FER1L6: variants seen among roughly 807,000 people sequenced by gnomAD.
FER1L6 encodes the protein fer-1-like protein 6.
FER1L6 carries 177 observed loss-of-function variants against 219.2 expected under a neutral mutation model. The ratio of observed to expected loss-of-function variants is 0.81; its 90% CI spans 0.71 to 0.91. The LOEUF (loss-of-function observed/expected upper bound fraction) is 0.91. Ranked by LOEUF, FER1L6 falls within the 40% of genes least tolerant of loss-of-function variation. The probability of loss-of-function intolerance (pLI) is 0.00; values close to 1 mark genes in which losing one functional copy is unlikely to be tolerated. For missense variants in FER1L6, 2,153 were observed against 2,259.9 expected (o/e 0.95, Z 0.96); for synonymous variants, 768 against 824.3 (o/e 0.93, Z 1.17).
rs538757957 is a variant in FER1L6, at chr8:123,965,415, ATC to A, written c.198-588_198-587del. 2.7e-3 allele frequency among the ~76,000 whole-genome samples: 407 copies of A among 152,318 alleles called. 2 individuals carry two copies. Among genetic ancestry groups the A allele is most frequent in the African/African-American group, 9.1e-3 (380 of 41,572 alleles). On this transcript the variant is annotated intron_variant, in intron 3 of 40. Coordinates refer to ENST00000522917, the MANE Select transcript of FER1L6 (RefSeq NM_001039112.2). ...TCTTCATCTCTTTCTGTTGTTATCC[ATC>A]TCTAAATGCCCAGGTGTTGCACATG... is the stretch of plus-strand genomic sequence containing the variant.
At chr8:123,927,125 T>C (rs1813593407) in intron 1 of FER1L6, among the ~76,000 whole-genome samples, 1 of 151,344 alleles carries the variant, frequency 6.6e-6, no homozygotes, top group African/African-American at 2.4e-5. Flanking sequence ...AGAGAACTTT[T>C]GTAATTTGCC....
chr8:124,026,480 G>A (rs1428304351), intron 18 of FER1L6, among the ~76,000 whole-genome samples: 1 of 152,128 alleles, frequency 6.6e-6, no homozygotes, highest in African/African-American at 2.4e-5. Flanking sequence ...TTGTGGGGCA[G>A]TATATAGACG....
At position 124,102,254 on chromosome 8, in the gene FER1L6, T is replaced by C. The variant is rs137901588; in HGVS notation, c.5126-892T>C. Among the ~76,000 whole-genome samples, 276 of 152,252 alleles carry C rather than the reference T, an allele frequency of 1.8e-3. 1 individual carries two copies. The highest frequency in any genetic ancestry group is 6.5e-3 in the African/African-American group (269 of 41,562). On this transcript the variant is annotated intron_variant, in intron 38 of 40. Transcript: ENST00000522917. ...GGTGGAGAGGAGGAGTCTATTCAGA[T>C]GGTTGGGGGGCTTAAAATTTTATTT... is the stretch of plus-strand genomic sequence containing the variant.
intron 1 of FER1L6, among the ~76,000 whole-genome samples, chr8:123,857,068 CT>C: frequency 6.6e-6 from 1 of 152,274 alleles, no homozygotes; most frequent in African/African-American, 2.4e-5. Context: ...TAGAGAATGT[CT>C]TTACTTTTTC....
chr8:124,053,910 AATTC>A, intron 22 of FER1L6, among the ~76,000 whole-genome samples: 2 of 152,192 alleles, frequency 1.3e-5, no homozygotes, highest in Middle Eastern at 6.8e-3. Context: ...CACCAGACTG[AATTC>A]ATTATTTTTA....
At chr8:124,103,370 A>G in intron 39 of FER1L6, 61 bp downstream of exon 39, 1 of 1,524,434 alleles carries the variant, frequency 6.6e-7, no homozygotes, top group Non-Finnish European at 9.0e-7. Context: ...ATGCTTTTCC[A>G]CTGAGTCATT....
At chr8:123,942,310 C>T (rs1814273387) in intron 1 of FER1L6, among the ~76,000 whole-genome samples, 1 of 152,194 alleles carries the variant, frequency 6.6e-6, no homozygotes, top group African/African-American at 2.4e-5. Context: ...CCGCCAGGTC[C>T]TCTTCTTGTC....
intron 1 of FER1L6, among the ~76,000 whole-genome samples, chr8:123,892,817 C>G (rs1179260247): frequency 6.6e-6 from 1 of 152,092 alleles, no homozygotes; most frequent in Non-Finnish European, 1.5e-5. Context: ...GTCTTTTTAA[C>G]CTTAAACTAA....
At chr8:124,082,499 C>G in intron 33 of FER1L6, 41 bp downstream of exon 33, 5 of 1,581,304 alleles carry the variant, frequency 3.2e-6, no homozygotes, top group Non-Finnish European at 4.3e-6. Context: ...TATTCTGAAG[C>G]TGTTGTAGCC....
chr8:123,967,183 C>A (rs113117359), intron 5 of FER1L6, among the ~76,000 whole-genome samples: 1,683 of 152,182 alleles, frequency 0.011, 38 homozygotes, highest in African/African-American at 0.039. Flanking sequence ...CTTTGATCCC[C>A]AATGCCCTAG....
At chr8:123,879,233 T>C (rs1269215243) in intron 1 of FER1L6, among the ~76,000 whole-genome samples, 2 of 152,188 alleles carry the variant, frequency 1.3e-5, no homozygotes, top group Admixed American at 6.5e-5. Flanking sequence ...AGCTCAGTGG[T>C]TTGAGGCTTC....
intron 12 of FER1L6, among the ~76,000 whole-genome samples, chr8:123,995,155 G>C (rs1261099782): frequency 6.6e-6 from 1 of 152,152 alleles, no homozygotes; most frequent in East Asian, 1.9e-4. Context: ...GTTTCTTGAA[G>C]AAAAGCTCAC....
At chr8:123,896,646 G>C (rs748824068) in intron 1 of FER1L6, among the ~76,000 whole-genome samples, 7 of 151,974 alleles carry the variant, frequency 4.6e-5, no homozygotes, top group Non-Finnish European at 1.0e-4. Flanking sequence ...CTTTGCTTTA[G>C]AGTATTTGTT....
chr8:124,112,387 G>A (rs1240886102), intron 39 of FER1L6, among the ~76,000 whole-genome samples: 1 of 152,138 alleles, frequency 6.6e-6, no homozygotes, highest in East Asian at 1.9e-4. Flanking sequence ...CACAGTAAAT[G>A]AAAAACAGCT....
At chr8:124,107,707 T>C (rs2131009949) in intron 39 of FER1L6, among the ~76,000 whole-genome samples, 1 of 152,316 alleles carries the variant, frequency 6.6e-6, no homozygotes, top group Non-Finnish European at 1.5e-5. Context: ...GAGACATTTA[T>C]GTGGGAAATT....
intron 1 of FER1L6, among the ~76,000 whole-genome samples, chr8:123,925,066 A>G (rs76134635): frequency 0.055 from 8,321 of 152,262 alleles, 748 homozygotes; most frequent in African/African-American, 0.19. Flanking sequence ...GATTACAATT[A>G]TTTGTTATTA....
chr8:124,054,213 C>T (rs1271975866), intron 22 of FER1L6, among the ~76,000 whole-genome samples: 1 of 152,192 alleles, frequency 6.6e-6, no homozygotes, highest in African/African-American at 2.4e-5. Flanking sequence ...TTCCAGAACA[C>T]TAGTTGGTGT....
In FER1L6 at chr8:123,968,598, G is replaced by A. The variant is rs1815663082; in HGVS notation, c.385-1437G>A. 2.6e-5 allele frequency among the ~76,000 whole-genome samples: 4 copies of A among 152,192 alleles called. No individual in the cohort carries two copies. The South Asian group carries it at 8.3e-4, about 31-fold the overall frequency. On this transcript the variant is annotated intron_variant, in intron 5 of 40. Coordinates refer to ENST00000522917, the MANE Select transcript of FER1L6 (RefSeq NM_001039112.2). ...GTATTCAGAGAATGAAGAATGTTGT[G>A]TAAGTGAATTTTCCACATAAATTTT...
intron 16 of FER1L6, among the ~76,000 whole-genome samples, chr8:124,019,704 A>G (rs1818371003): frequency 6.6e-6 from 1 of 152,238 alleles, no homozygotes; most frequent in Admixed American, 6.5e-5. Context: ...TGAGCATACA[A>G]TAAGGACAAG....
Sources: allele counts gnomAD v4.1 joint callset (sites outside exome capture counted in the v4.1 genomes callset), GRCh38; gene constraint gnomAD v4.1.1; transcripts MANE v1.5; gene names NCBI Gene and HGNC (gene_info 2026-07-23, HGNC 2026-07-21).